TAFA5: variants seen among roughly 807,000 people sequenced by gnomAD.
The protein encoded by TAFA5 is chemokine-like protein TAFA-5.
In TAFA5, 6 loss-of-function variants were observed where a neutral mutation model predicts 15.3. The observed-to-expected ratio is 0.39, with a 90% CI of 0.21 to 0.77. TAFA5 has a LOEUF of 0.77. Ranked by LOEUF, TAFA5 falls within the 30% of genes least tolerant of loss-of-function variation. The pLI, the probability that TAFA5 is intolerant of heterozygous loss-of-function variation, is 0.41. For synonymous variants in TAFA5, 103 were observed against 80.7 expected (o/e 1.28, Z -1.48); for missense variants, 161 against 193.1 (o/e 0.83, Z 0.98).
chr22:48,726,705 G>A (rs12158628), intron 3 of TAFA5, among the ~76,000 whole-genome samples: 8 of 148,762 alleles, frequency 5.4e-5, no homozygotes, highest in Admixed American at 4.0e-4. Flanking sequence ...TAGTCTATAC[G>A]GGAGAATCAC....
At chr22:48,584,102 C>G (rs1924225140) in intron 1 of TAFA5, among the ~76,000 whole-genome samples, 1 of 149,558 alleles carries the variant, frequency 6.7e-6, no homozygotes, top group Admixed American at 6.7e-5. Flanking sequence ...ATATCACACA[C>G]ACACACCACA....
chr22:48,492,854 T>C, intron 1 of TAFA5, among the ~76,000 whole-genome samples: 1 of 152,188 alleles, frequency 6.6e-6, no homozygotes, highest in East Asian at 1.9e-4. Context: ...TCCATTCTGG[T>C]CTGAGGAAAC....
intron 1 of TAFA5, among the ~76,000 whole-genome samples, chr22:48,548,471 T>G (rs186508935): frequency 3.3e-5 from 5 of 152,326 alleles, no homozygotes; most frequent in African/African-American, 9.6e-5. Context: ...CTCACAGTGC[T>G]GTTCGGGACC....
intron 1 of TAFA5, among the ~76,000 whole-genome samples, chr22:48,495,466 C>T (rs912900641): frequency 2.6e-5 from 4 of 152,100 alleles, no homozygotes; most frequent in Admixed American, 6.5e-5. Context: ...CCAACCCAGC[C>T]GCCACCTCAG....
At chr22:48,683,202 C>T (rs4925434) in intron 2 of TAFA5, among the ~76,000 whole-genome samples, 77,866 of 152,040 alleles carry the variant, frequency 0.51, 21,119 homozygotes, top group South Asian at 0.61. Flanking sequence ...CACACACACT[C>T]GGGGCACAGT....
intron 1 of TAFA5, among the ~76,000 whole-genome samples, chr22:48,579,727 T>G (rs1923962601): frequency 6.6e-6 from 1 of 152,140 alleles, no homozygotes; most frequent in South Asian, 2.1e-4. Flanking sequence ...TGAGCAGGCT[T>G]TGGTGTGGAA....
At position 48,749,716 on chromosome 22, in the gene TAFA5, T is replaced by C; in HGVS notation, c.391-123T>C. On this transcript the variant is annotated intron_variant, in intron 3 of 3. Transcript: ENST00000402357. ...CCCTCACAGCACTGAGGATGAGCTC[T>C]TCGTTTCAGGCCCTCCAGGAGGCCG... 1.7e-5 allele frequency: 18 copies of C among 1,077,358 alleles called. No individual in the cohort carries two copies. In the South Asian group the frequency reaches 2.5e-4, roughly 15 times the overall value. 66.7% of individuals were successfully genotyped at this position (1,077,358 alleles called of 1,614,324 possible).
intron 3 of TAFA5, among the ~76,000 whole-genome samples, chr22:48,739,639 A>C (rs778921643): frequency 3.9e-5 from 6 of 152,188 alleles, no homozygotes; most frequent in Non-Finnish European, 7.3e-5. Flanking sequence ...ATGTGTCCAG[A>C]GGTGATAACT....
At chr22:48,548,630 G>A (rs932153391) in intron 1 of TAFA5, among the ~76,000 whole-genome samples, 1 of 152,168 alleles carries the variant, frequency 6.6e-6, no homozygotes, top group Admixed American at 6.5e-5. Context: ...TGGTGGGTTG[G>A]GTTCAGGGCT....
chr22:48,709,442 C>G (rs7290242), intron 3 of TAFA5, among the ~76,000 whole-genome samples: 65,696 of 152,082 alleles, frequency 0.43, 14,487 homozygotes, highest in East Asian at 0.56. Flanking sequence ...CGCCCTGAGT[C>G]TCCAGCAACA....
At chr22:48,678,615 T>G (rs1368222984) in intron 2 of TAFA5, among the ~76,000 whole-genome samples, 2 of 134,136 alleles carry the variant, frequency 1.5e-5, no homozygotes, top group South Asian at 4.5e-4. Flanking sequence ...GGGCTGCAGG[T>G]GGTGCGGCCT....
chr22:48,733,961 G>A (rs184069747), intron 3 of TAFA5, among the ~76,000 whole-genome samples: 1 of 152,320 alleles, frequency 6.6e-6, no homozygotes, highest in Admixed American at 6.5e-5. Flanking sequence ...ATGGGCAGCC[G>A]CCTGCACAGT....
chr22:48,705,989 GAGGA>G (rs1929066001), intron 2 of TAFA5, among the ~76,000 whole-genome samples: 1 of 152,230 alleles, frequency 6.6e-6, no homozygotes, highest in South Asian at 2.1e-4. Flanking sequence ...CAGGAGAGAG[GAGGA>G]AGCCAAGGGC....
At chr22:48,605,416 G>A (rs1232410871) in intron 1 of TAFA5, among the ~76,000 whole-genome samples, 1 of 149,686 alleles carries the variant, frequency 6.7e-6, no homozygotes, top group African/African-American at 2.5e-5. Flanking sequence ...TGGTGATGGT[G>A]AGGATGGTGG....
At chr22:48,575,898 G>A (rs1466447150) in intron 1 of TAFA5, among the ~76,000 whole-genome samples, 4 of 143,104 alleles carry the variant, frequency 2.8e-5, no homozygotes, top group African/African-American at 7.5e-5. Flanking sequence ...GCGGCGCGGC[G>A]GCCCCCTGAG....
At chr22:48,529,647 CCAGGCAGGAGATGGGGGTGT>C (rs1921907186) in intron 1 of TAFA5, among the ~76,000 whole-genome samples, 1 of 70,088 alleles carries the variant, frequency 1.4e-5, no homozygotes, top group African/African-American at 5.9e-5. Flanking sequence ...ATGAGGGTGT[CCAGGCAGGAGATGGGGGTGT>C]CAGGCAGGAG....
At position 48,489,557 on chromosome 22, in the gene TAFA5, C is replaced by T. The variant is rs1184292007; in HGVS notation, c.-36C>T. On this transcript the variant is annotated 5_prime_UTR_variant, in exon 1 of 4. In the 5' UTR this introduces an upstream ATG that the reference lacks. Transcript: ENST00000402357. The surrounding 1 kb of genome is among the most constrained non-coding windows in gnomAD (Gnocchi z 5.5). ...GCGCGGGCAGGGCCGGCTGCTGAGA[C>T]GCGCTGCTGCCCCCCGCGCGGGCGC... 4.7e-6 allele frequency: 6 copies of T among 1,263,162 alleles called. No individual in the cohort carries two copies. Among genetic ancestry groups the T allele is most frequent in the East Asian group, 3.9e-5 (1 of 25,686 alleles). The allele number at this position is 1,263,162 out of a possible 1,614,324, so 78.2% of individuals were successfully genotyped here.
intron 1 of TAFA5, among the ~76,000 whole-genome samples, chr22:48,511,210 A>G (rs1424112894): frequency 6.6e-6 from 1 of 152,214 alleles, no homozygotes; most frequent in Non-Finnish European, 1.5e-5. Flanking sequence ...ATGTGTGGAC[A>G]GGAGAGAGAA....
At chr22:48,622,973 C>A (rs896230823) in intron 1 of TAFA5, among the ~76,000 whole-genome samples, 1 of 152,364 alleles carries the variant, frequency 6.6e-6, no homozygotes, top group South Asian at 2.1e-4. Flanking sequence ...GTGGACACTT[C>A]GCTCCATTCA....
Sources: gnomAD v4.1 joint callset for allele counts (sites outside exome capture counted in the v4.1 genomes callset) on GRCh38, gnomAD v4.1.1 for gene constraint, Gnocchi (gnomAD v3.1) non-coding constraint, MANE v1.5 for transcripts, NCBI Gene and HGNC (gene_info 2026-07-23, HGNC 2026-07-21) for gene names.